FDX1: variants seen among roughly 807,000 people sequenced by gnomAD.
FDX1 encodes adrenodoxin, mitochondrial.
In FDX1, 9 loss-of-function variants were observed where a neutral mutation model predicts 14.9. The ratio of observed to expected loss-of-function variants is 0.60; its 90% CI spans 0.36 to 1.05. The LOEUF (loss-of-function observed/expected upper bound fraction) is 1.05. Ranked by LOEUF, FDX1 falls within the 50% of genes least tolerant of loss-of-function variation. The pLI is 0.01. For synonymous variants in FDX1, 92 were observed against 99.4 expected (o/e 0.93, Z 0.44); for missense variants, 204 against 237.2 (o/e 0.86, Z 0.92).
chr11:110,451,938 A>G (rs974794891), intron 2 of FDX1, among the ~76,000 whole-genome samples: 1 of 152,242 alleles, frequency 6.6e-6, no homozygotes, highest in Non-Finnish European at 1.5e-5. Flanking sequence ...GCAATGGCCA[A>G]TTGGTTTTTG....
intron 2 of FDX1, 43 bp from the exon 3 acceptor site, chr11:110,456,875 T>C: frequency 6.4e-7 from 1 of 1,565,664 alleles, no homozygotes. Flanking sequence ...ATGAATCGTC[T>C]GATGTAGAAG....
chr11:110,436,641 G>A lies in FDX1; in HGVS notation c.310+683G>A, dbSNP rs966095204. ...CAAAGTCTGGGGTAGGTCCAGCATTGCATGTTGTAACAGCTGTCTGTGTGA... is the reference window on the plus strand; with the variant it reads ...CAAAGTCTGGGGTAGGTCCAGCATTACATGTTGTAACAGCTGTCTGTGTGA... On this transcript the variant is annotated intron_variant, in intron 2 of 3. Coordinates refer to ENST00000260270, the MANE Select transcript of FDX1 (RefSeq NM_004109.5). Among the ~76,000 whole-genome samples the A allele has an allele frequency of 1.7e-3, 225 of 134,608 alleles. 1 individual carries two copies. The highest frequency in any genetic ancestry group is 6.1e-3 in the African/African-American group (218 of 35,490). The allele number at this position is 134,608 out of a possible 152,430, so 88.3% of individuals were successfully genotyped here. A position where few individuals can be genotyped will look rare whatever the true frequency, so the allele number is the denominator to read the frequency against.
intron 2 of FDX1, among the ~76,000 whole-genome samples, chr11:110,439,567 A>G (rs759429348): frequency 5.3e-5 from 8 of 152,244 alleles, no homozygotes; most frequent in Non-Finnish European, 1.2e-4. Context: ...TAAGTTCCCT[A>G]TAGATTCTGG....
chr11:110,438,513 C>A (rs370210180), intron 2 of FDX1, among the ~76,000 whole-genome samples: 1 of 152,106 alleles, frequency 6.6e-6, no homozygotes, highest in Non-Finnish European at 1.5e-5. Context: ...GCAACCTTCG[C>A]CTCCCAAGTT....
At chr11:110,453,165 C>T (rs562218104) in intron 2 of FDX1, among the ~76,000 whole-genome samples, 2 of 152,114 alleles carry the variant, frequency 1.3e-5, no homozygotes, top group African/African-American at 2.4e-5. Context: ...GGTGAAACCC[C>T]GTCTCTGCTA....
intron 1 of FDX1, among the ~76,000 whole-genome samples, chr11:110,432,309 A>G (rs1257245556): frequency 6.6e-6 from 1 of 152,230 alleles, no homozygotes; most frequent in Non-Finnish European, 1.5e-5. Context: ...TCTATGAGGT[A>G]GGGAGGGTAG....
chr11:110,433,508 G>T (rs1177509020), intron 1 of FDX1, among the ~76,000 whole-genome samples: 1 of 152,272 alleles, frequency 6.6e-6, no homozygotes, highest in South Asian at 2.1e-4. Flanking sequence ...CTGGATGTCT[G>T]TTAAGTCACT....
Position 110,435,275 on chromosome 11 carries a change from T to G in FDX1, c.186-559T>G, listed in dbSNP as rs1384935534. On this transcript the variant is annotated intron_variant, in intron 1 of 3. Coordinates refer to ENST00000260270, the MANE Select transcript of FDX1 (RefSeq NM_004109.5). ...CATGTTGCCCAGGCTGGTCTCAAAC[T>G]TCTGGCGTCAAACAATCTTCCCACT... is the stretch of plus-strand genomic sequence containing the variant. Among the ~76,000 whole-genome samples the G allele has an allele frequency of 2.0e-5, 3 of 152,200 alleles. No homozygotes were observed. In the East Asian group the frequency reaches 5.8e-4, roughly 29 times the overall value.
intron 2 of FDX1, among the ~76,000 whole-genome samples, chr11:110,445,203 T>C (rs1299059549): frequency 6.6e-6 from 1 of 152,220 alleles, no homozygotes; most frequent in Non-Finnish European, 1.5e-5. Flanking sequence ...TTTAAATGGC[T>C]TCCAACTGCT....
At chr11:110,457,765 T>G (rs1480356909) in intron 3 of FDX1, among the ~76,000 whole-genome samples, 1 of 152,184 alleles carries the variant, frequency 6.6e-6, no homozygotes, top group African/African-American at 2.4e-5. Flanking sequence ...AATAATAGTT[T>G]TATTTCATGT....
rs142620300 is a variant in FDX1 at position 110,457,035 on chromosome 11, G to C, written c.428G>C (p.Gly143Ala). The C allele has an allele frequency of 2.0e-5, 33 of 1,610,960 alleles. No homozygotes were observed. In the African/African-American group the frequency reaches 3.5e-4, roughly 17 times the overall value. ...EENDMLDLAY[G>A]LTDRSRLGCQ... is the part of the protein sequence containing the mutation. Reference sequence around the variant, plus strand: ...AATGACATGCTCGATCTGGCATATGGACTAACAGACAGGTAAGATTTTTGG... The same window carrying C: ...AATGACATGCTCGATCTGGCATATGCACTAACAGACAGGTAAGATTTTTGG... The change falls in exon 3 of 4, where the codon GGA (glycine) becomes GCA (alanine). Residue 143 changes from glycine to alanine, a missense_variant. Coordinates refer to ENST00000260270, the MANE Select transcript of FDX1 (RefSeq NM_004109.5).
At chr11:110,454,125 A>G (rs1946505607) in intron 2 of FDX1, among the ~76,000 whole-genome samples, 2 of 152,228 alleles carry the variant, frequency 1.3e-5, no homozygotes, top group South Asian at 4.1e-4. Context: ...TTAATCTGAA[A>G]ATATTCAGCA....
intron 1 of FDX1, among the ~76,000 whole-genome samples, chr11:110,430,994 T>C (rs1299120421): frequency 2.6e-5 from 4 of 152,198 alleles, no homozygotes; most frequent in African/African-American, 7.2e-5. Context: ...TTGGATATAA[T>C]AACAGTGTAG....
chr11:110,457,671 C>T (rs1946530787), intron 3 of FDX1, among the ~76,000 whole-genome samples: 1 of 151,998 alleles, frequency 6.6e-6, no homozygotes, highest in African/African-American at 2.4e-5. Flanking sequence ...ATAATGAGGG[C>T]ATATTACTTA....
At chr11:110,449,069 C>G (rs368075813) in intron 2 of FDX1, among the ~76,000 whole-genome samples, 8 of 152,092 alleles carry the variant, frequency 5.3e-5, no homozygotes, top group African/African-American at 1.9e-4. Flanking sequence ...TTCAGCCAAG[C>G]ATTAAGTGCT....
At chr11:110,451,448 G>A (rs1314171307) in intron 2 of FDX1, among the ~76,000 whole-genome samples, 5 of 152,176 alleles carry the variant, frequency 3.3e-5, no homozygotes, top group Admixed American at 3.3e-4. Context: ...CAGATGTGGT[G>A]AGGTTACAGA....
At chr11:110,432,669 A>G (rs1481281750) in intron 1 of FDX1, among the ~76,000 whole-genome samples, 1 of 152,098 alleles carries the variant, frequency 6.6e-6, no homozygotes, top group African/African-American at 2.4e-5. Context: ...AGATTTCACT[A>G]TGTTGACCAG....
intron 2 of FDX1, among the ~76,000 whole-genome samples, chr11:110,437,202 C>A (rs940447932): frequency 6.6e-6 from 1 of 152,164 alleles, no homozygotes; most frequent in Admixed American, 6.5e-5. Flanking sequence ...CCACATTGCC[C>A]AGCCTGGTCT....
upstream of FDX1, chr11:110,429,829 G>C (rs945861326): frequency 2.9e-5 from 8 of 275,820 alleles, no homozygotes; most frequent in Non-Finnish European, 4.7e-5. Flanking sequence ...ACGGAACCTG[G>C]AGGGTTGGTA....
Sources: allele counts gnomAD v4.1 joint callset (sites outside exome capture counted in the v4.1 genomes callset), GRCh38; gene constraint gnomAD v4.1.1; transcripts MANE v1.5; gene names NCBI Gene and HGNC (gene_info 2026-07-23, HGNC 2026-07-21).